Variants in MCUB observed in about 807,000 individuals in gnomAD.
MCUB encodes the protein calcium uniporter regulatory subunit MCUb, mitochondrial.
In MCUB, 46 loss-of-function variants were observed where a neutral mutation model predicts 41.4. The observed-to-expected ratio is 1.11, with a 90% CI of 0.88 to 1.42. The LOEUF (loss-of-function observed/expected upper bound fraction) is 1.42. MCUB is among the 40% of genes most tolerant of loss of function. MCUB has a pLI of 0.00. For synonymous variants in MCUB, 148 were observed against 148.2 expected (o/e 1.00, Z 0.01); for missense variants, 403 against 404.9 (o/e 1.00, Z 0.04).
chr4:109,651,136 A>G (rs979779029), intron 1 of MCUB, among the ~76,000 whole-genome samples: 1 of 152,202 alleles, frequency 6.6e-6, no homozygotes, highest in Admixed American at 6.5e-5. Flanking sequence ...CTCATTCCTT[A>G]TTAAACTTTA....
chr4:109,597,743 C>A (rs1398876893), intron 1 of MCUB, among the ~76,000 whole-genome samples: 14 of 143,710 alleles, frequency 9.7e-5, no homozygotes, highest in Middle Eastern at 3.4e-3. Context: ...CTGACCCCCC[C>A]ACCTCCCTCC....
At chr4:109,679,777 G>A (rs2126151079) in intron 4 of MCUB, among the ~76,000 whole-genome samples, 1 of 150,810 alleles carries the variant, frequency 6.6e-6, no homozygotes, top group East Asian at 1.9e-4. Flanking sequence ...CTCCCGCTTT[G>A]AGGTATAATT....
At chr4:109,626,232 G>A (rs1349875100) in intron 1 of MCUB, among the ~76,000 whole-genome samples, 2 of 152,110 alleles carry the variant, frequency 1.3e-5, no homozygotes, top group Non-Finnish European at 2.9e-5. Flanking sequence ...AATTCTTAGA[G>A]GAGATATGTG....
intron 1 of MCUB, among the ~76,000 whole-genome samples, chr4:109,582,704 C>T (rs991104697): frequency 1.3e-5 from 2 of 152,052 alleles, no homozygotes; most frequent in Non-Finnish European, 2.9e-5. Flanking sequence ...GGTTTTAGGT[C>T]TAACATGTAA....
chr4:109,572,730 A>C (rs1330379175), intron 1 of MCUB, among the ~76,000 whole-genome samples: 2 of 152,110 alleles, frequency 1.3e-5, no homozygotes, highest in African/African-American at 4.8e-5. Flanking sequence ...TCAGATTTGG[A>C]TGTCACTATT....
At chr4:109,634,485 GA>G (rs34174576) in intron 1 of MCUB, among the ~76,000 whole-genome samples, 37,211 of 124,194 alleles carry the variant, frequency 0.3, 4,949 homozygotes, top group African/African-American at 0.37. Flanking sequence ...CTCTGTCTCA[GA>G]AAAAAAAAAA....
chr4:109,611,658 G>A (rs547847453), intron 1 of MCUB, among the ~76,000 whole-genome samples: 5 of 152,028 alleles, frequency 3.3e-5, no homozygotes, highest in Admixed American at 1.3e-4. Context: ...TTCAAAATTA[G>A]GACCAAACCT....
At position 109,561,375 on chromosome 4, in the gene MCUB, TC is replaced by T. The variant is rs149770515; in HGVS notation, c.99+941del. On this transcript the variant is annotated intron_variant, in intron 1 of 7. Transcript: ENST00000394650. ...TTCCTGTTTATTTTGTTCTTTTTTT[TC>T]CTTCCCCCCCTTTTCCTCCAGCTGT... Among the ~76,000 whole-genome samples the T allele has an allele frequency of 5.3e-3, 806 of 152,342 alleles. 14 individuals are homozygous for T. Among genetic ancestry groups the T allele is most frequent in the African/African-American group, 0.018 (758 of 41,572 alleles).
chr4:109,582,313 T>C (rs927465580), intron 1 of MCUB, among the ~76,000 whole-genome samples: 1 of 132,740 alleles, frequency 7.5e-6, no homozygotes, highest in Non-Finnish European at 1.5e-5. Flanking sequence ...CACTCATAGG[T>C]GGGAATTGAA....
At chr4:109,653,374 G>A (rs1371935618) in intron 1 of MCUB, among the ~76,000 whole-genome samples, 2 of 146,860 alleles carry the variant, frequency 1.4e-5, no homozygotes, top group Non-Finnish European at 3.0e-5. Context: ...GCAAGACCCC[G>A]TCTTAAGAAA....
At chr4:109,656,343 T>C (rs1729098434) in intron 1 of MCUB, among the ~76,000 whole-genome samples, 1 of 144,332 alleles carries the variant, frequency 6.9e-6, no homozygotes, top group East Asian at 2.0e-4. Context: ...GGCTCTAACT[T>C]TTACTCTCTA....
rs181415091 is a variant in MCUB at position 109,598,426 on chromosome 4, C to A, written c.99+37990C>A. Reference sequence around the variant, plus strand: ...AGGCCAACACAGCGAAACCCCGTCTCCACCAAAAAAAATACGAAAACCAGT... The same window carrying A: ...AGGCCAACACAGCGAAACCCCGTCTACACCAAAAAAAATACGAAAACCAGT... On this transcript the variant is annotated intron_variant, in intron 1 of 7. Transcript: ENST00000394650. Among the ~76,000 whole-genome samples, 544 of 152,184 alleles carry A rather than the reference C, an allele frequency of 3.6e-3. 7 individuals are homozygous for A. The highest frequency in any genetic ancestry group is 0.014 in the East Asian group (71 of 5,164).
intron 4 of MCUB, among the ~76,000 whole-genome samples, chr4:109,674,451 C>T (rs1374128853): frequency 6.6e-6 from 1 of 152,144 alleles, no homozygotes; most frequent in Non-Finnish European, 1.5e-5. Context: ...GAAGGTACTC[C>T]CAGTTTGCTG....
Position 109,682,739 on chromosome 4 carries a change from A to G in MCUB, c.609A>G (p.Glu203=), listed in dbSNP as rs1040220502. 6.2e-7 allele frequency: 1 copy of G among 1,612,226 alleles called. No homozygotes were observed. The highest frequency in any genetic ancestry group is 8.5e-7 in the Non-Finnish European group (1 of 1,178,748). The change falls in exon 5 of 8, where the codon GAA becomes GAG. Residue 203 remains glutamate, a synonymous_variant. Coordinates refer to ENST00000394650, the MANE Select transcript of MCUB (RefSeq NM_017918.5). Reference sequence around the variant, plus strand: ...TGAAGGAACAGCTGCAGCCCCTTGAACAGGTTAGGAAGCATCACGGTTGAG... The same window carrying G: ...TGAAGGAACAGCTGCAGCCCCTTGAGCAGGTTAGGAAGCATCACGGTTGAG... ...DHLKEQLQPL[E]QVKAGIEAHS...
chr4:109,637,246 C>T (rs1436387176), intron 1 of MCUB, among the ~76,000 whole-genome samples: 2 of 152,116 alleles, frequency 1.3e-5, no homozygotes, highest in African/African-American at 2.4e-5. Context: ...CCTATGGGGA[C>T]ACAGAAAGAC....
Position 109,560,272 on chromosome 4 carries a change from G to C in MCUB, c.-66G>C, listed in dbSNP as rs939826983. On this transcript the variant is annotated 5_prime_UTR_variant, in exon 1 of 8. Transcript: ENST00000394650. ...CAGCTCGGAGCCACCAGGCGCTGAC[G>C]AGGAGCCCGGCTGAGGGAGGATGCG... The C allele has an allele frequency of 4.9e-6, 4 of 818,210 alleles. No homozygotes were observed. Among genetic ancestry groups the C allele is most frequent in the African/African-American group, 3.6e-5 (2 of 56,076 alleles). The allele number at this position is 818,210 out of a possible 1,614,324, so 50.7% of individuals were successfully genotyped here.
intron 1 of MCUB, among the ~76,000 whole-genome samples, chr4:109,647,358 C>T (rs1435242405): frequency 6.6e-6 from 1 of 152,166 alleles, no homozygotes; most frequent in Non-Finnish European, 1.5e-5. Context: ...TTCCCATAAC[C>T]CCTGGCAGCC....
intron 1 of MCUB, among the ~76,000 whole-genome samples, chr4:109,626,980 A>AT (rs1229698307): frequency 6.6e-6 from 1 of 152,184 alleles, no homozygotes; most frequent in East Asian, 1.9e-4. Flanking sequence ...ATTTGGAGAT[A>AT]TTTGTTCAAC....
chr4:109,641,127 G>A (rs1728704257), intron 1 of MCUB, among the ~76,000 whole-genome samples: 1 of 152,058 alleles, frequency 6.6e-6, no homozygotes, highest in African/African-American at 2.4e-5. Flanking sequence ...TTGTTTAGAG[G>A]AGTCTCACTC....
Sources: gnomAD v4.1 joint callset for allele counts (sites outside exome capture counted in the v4.1 genomes callset) on GRCh38, gnomAD v4.1.1 for gene constraint, MANE v1.5 for transcripts, NCBI Gene and HGNC (gene_info 2026-07-23, HGNC 2026-07-21) for gene names.